Variants in OPA1 observed in about 807,000 individuals in gnomAD.
OPA1 encodes dynamin-like GTPase OPA1, mitochondrial.
Under a neutral mutation model 152.9 loss-of-function variants are expected in OPA1, and 59 were observed. That is an observed-to-expected ratio of 0.39 (90% CI 0.31 to 0.48). The LOEUF is 0.48. OPA1 is among the 20% of genes least tolerant of loss of function. The probability of loss-of-function intolerance (pLI) is 0.96; values close to 1 mark genes in which losing one functional copy is unlikely to be tolerated. For synonymous variants in OPA1, 400 were observed against 389.9 expected (o/e 1.03, Z -0.31); for missense variants, 1,008 against 1,216.8 (o/e 0.83, Z 2.55).
intron 6 of OPA1, among the ~76,000 whole-genome samples, chr3:193,619,289 C>T (rs1427838610): frequency 6.6e-6 from 1 of 152,148 alleles, no homozygotes; most frequent in South Asian, 2.1e-4. Context: ...TACTCATGCG[C>T]ATTGTGAATT....
chr3:193,614,378 A>G (rs1379825701), intron 1 of OPA1, among the ~76,000 whole-genome samples: 1 of 152,198 alleles, frequency 6.6e-6, no homozygotes, highest in African/African-American at 2.4e-5. Context: ...TAGCCCACAT[A>G]TTAGAGTGGA....
intron 1 of OPA1, among the ~76,000 whole-genome samples, chr3:193,600,716 A>G (rs1188609932): frequency 6.6e-6 from 1 of 152,198 alleles, no homozygotes; most frequent in East Asian, 1.9e-4. Flanking sequence ...TTACCTTGTT[A>G]ATACAAGTCA....
chr3:193,678,897 T>C (rs1452171746), intron 29 of OPA1, among the ~76,000 whole-genome samples: 1 of 152,228 alleles, frequency 6.6e-6, no homozygotes, highest in Non-Finnish European at 1.5e-5. Context: ...CTGTGAACTC[T>C]AATCTCTATT....
At chr3:193,624,063 A>G (rs1005953435) in intron 6 of OPA1, 1 of 152,686 alleles carries the variant, frequency 6.5e-6, no homozygotes, top group Non-Finnish European at 1.5e-5. Flanking sequence ...CTTGAAATCT[A>G]ATAGATGATT....
intron 1 of OPA1, among the ~76,000 whole-genome samples, chr3:193,596,365 A>ATTTTATTTTC (rs1725554344): frequency 2.9e-5 from 2 of 68,078 alleles, no homozygotes; most frequent in African/African-American, 1.1e-4. Context: ...TCTTTTCTTA[A>ATTTTATTTTC]TTTTCTTTTC....
In OPA1 at chr3:193,696,054, G is replaced by A. The variant is rs1722226882; in HGVS notation, c.*1454G>A. ...CTTTTTTTATTTCTTTTAGGTCTAG[G>A]GACAGGAGTGAATAGAAAGGGAGGA... On this transcript the variant is annotated 3_prime_UTR_variant, in exon 31 of 31. Coordinates refer to ENST00000361510, the MANE Select transcript of OPA1 (RefSeq NM_130837.3). The A allele has an allele frequency of 6.6e-6, 1 of 152,124 alleles. No homozygotes were observed. Among genetic ancestry groups the A allele is most frequent in the African/African-American group, 2.4e-5 (1 of 41,400 alleles). The allele number at this position is 152,124 out of a possible 1,614,324, so 9.4% of individuals were successfully genotyped here.
intron 1 of OPA1, among the ~76,000 whole-genome samples, chr3:193,608,603 G>T (rs1727666079): frequency 6.6e-6 from 1 of 152,196 alleles, no homozygotes; most frequent in Non-Finnish European, 1.5e-5. Context: ...TACATTTTCT[G>T]AGGAGAGCTT....
intron 6 of OPA1, among the ~76,000 whole-genome samples, chr3:193,621,014 A>T (rs1729962786): frequency 1.3e-5 from 2 of 152,204 alleles, no homozygotes; most frequent in African/African-American, 4.8e-5. Flanking sequence ...TTAGCTGAAT[A>T]CTTTTTTAAC....
chr3:193,633,783 C>A, intron 8 of OPA1, among the ~76,000 whole-genome samples: 1 of 152,206 alleles, frequency 6.6e-6, no homozygotes. Flanking sequence ...TCAGGCCAGC[C>A]ACATTTCAGG....
In OPA1 at chr3:193,696,888, G is replaced by A. The variant is rs1722293122; in HGVS notation, c.*2288G>A. ...GGCAGTGCACAGCACGAAATAAGTGGCCCTTGCAGCTTCCCCGTTTAACCC... is the reference window on the plus strand; with the variant it reads ...GGCAGTGCACAGCACGAAATAAGTGACCCTTGCAGCTTCCCCGTTTAACCC... On this transcript the variant is annotated 3_prime_UTR_variant, in exon 31 of 31. Coordinates refer to ENST00000361510, the MANE Select transcript of OPA1 (RefSeq NM_130837.3). 1 of 152,188 alleles carries A rather than the reference G, an allele frequency of 6.6e-6. No individual in the cohort carries two copies. Among genetic ancestry groups the A allele is most frequent in the Admixed American group, 6.5e-5 (1 of 15,272 alleles). 9.4% of individuals were successfully genotyped at this position (152,188 alleles called of 1,614,324 possible).
chr3:193,602,627 A>G (rs145116257), intron 1 of OPA1, among the ~76,000 whole-genome samples: 1 of 152,342 alleles, frequency 6.6e-6, no homozygotes, highest in Admixed American at 6.5e-5. Context: ...ACCAAAAGGT[A>G]GTACCTTTGG....
At chr3:193,663,680 A>G (rs1350892948) in intron 26 of OPA1, among the ~76,000 whole-genome samples, 2 of 152,280 alleles carry the variant, frequency 1.3e-5, no homozygotes, top group Non-Finnish European at 1.5e-5. Flanking sequence ...ACAAATTTCA[A>G]AGCCACACAA....
intron 3 of OPA1, 33 bp downstream of exon 3, chr3:193,615,803 G>A (rs1271552603): frequency 2.4e-6 from 3 of 1,235,706 alleles, no homozygotes; most frequent in Admixed American, 3.4e-5. Flanking sequence ...TACTTTTTTT[G>A]GTCATCTCGA....
chr3:193,656,162 A>G (rs1410840585), intron 22 of OPA1, among the ~76,000 whole-genome samples: 1 of 152,158 alleles, frequency 6.6e-6, no homozygotes, highest in Non-Finnish European at 1.5e-5. Context: ...GTCCCATGAT[A>G]GGATATTTTC....
chr3:193,610,349 C>T (rs1190035936), intron 1 of OPA1, among the ~76,000 whole-genome samples: 13 of 152,312 alleles, frequency 8.5e-5, no homozygotes, highest in East Asian at 1.9e-4. Context: ...TGCAGAACAA[C>T]GAATATTGGT....
chr3:193,631,106 G>A (rs921787000), intron 7 of OPA1, among the ~76,000 whole-genome samples: 4 of 152,174 alleles, frequency 2.6e-5, no homozygotes, highest in African/African-American at 7.2e-5. Context: ...TACATAATTC[G>A]CTACTTATGG....
intron 29 of OPA1, among the ~76,000 whole-genome samples, chr3:193,674,166 C>T (rs948279169): frequency 2.0e-5 from 3 of 152,216 alleles, no homozygotes; most frequent in Admixed American, 6.5e-5. Context: ...GTAGACAATG[C>T]TTTTGGGGCT....
At chr3:193,611,315 T>C (rs1265210340) in intron 1 of OPA1, among the ~76,000 whole-genome samples, 1 of 152,158 alleles carries the variant, frequency 6.6e-6, no homozygotes, top group Non-Finnish European at 1.5e-5. Flanking sequence ...AATGCTTAGC[T>C]AGGTTGGGCA....
rs965716720 is a variant in OPA1, at chr3:193,643,265, T to C, written c.1306-108T>C. 5.8e-5 allele frequency: 55 copies of C among 947,632 alleles called. No individual in the cohort carries two copies. In the Admixed American group the frequency reaches 8.3e-4, roughly 14 times the overall value. 58.7% of individuals were successfully genotyped at this position (947,632 alleles called of 1,614,324 possible). A position where few individuals can be genotyped will look rare whatever the true frequency, so the allele number is the denominator to read the frequency against. ...GAATACCATTTTTGTGAGCGTCTTA[T>C]CTGAATGGATGAGATATAGAATTTT... On this transcript the variant is annotated intron_variant, in intron 13 of 30. Coordinates refer to ENST00000361510, the MANE Select transcript of OPA1 (RefSeq NM_130837.3).
Sources: allele counts gnomAD v4.1 joint callset (sites outside exome capture counted in the v4.1 genomes callset), GRCh38; gene constraint gnomAD v4.1.1; transcripts MANE v1.5; gene names NCBI Gene and HGNC (gene_info 2026-07-23, HGNC 2026-07-21).